Variants in CBX2 observed in about 807,000 individuals in gnomAD.
The protein encoded by CBX2 is chromobox protein homolog 2.
CBX2 carries 11 observed loss-of-function variants against 21.0 expected under a neutral mutation model. The ratio of observed to expected loss-of-function variants is 0.52; its 90% CI spans 0.33 to 0.87. CBX2 has a LOEUF of 0.87. Among genes scored for constraint, CBX2 ranks in the 40% least tolerant of loss-of-function variants. The pLI, the probability that CBX2 is intolerant of heterozygous loss-of-function variation, is 0.02. For synonymous variants in CBX2, 364 were observed against 304.6 expected (o/e 1.19, Z -2.03); for missense variants, 746 against 724.3 (o/e 1.03, Z -0.34).
Position 79,786,022 on chromosome 17 carries a change from A to C in CBX2, c.*980A>C, listed in dbSNP as rs1432762324. The C allele has an allele frequency of 2.6e-5, 4 of 152,418 alleles. No individual in the cohort carries two copies. The highest frequency in any genetic ancestry group is 4.4e-5 in the Non-Finnish European group (3 of 68,168). The allele number at this position is 152,418 out of a possible 1,614,324, so 9.4% of individuals were successfully genotyped here. Reference sequence around the variant, plus strand: ...AGGAAAACCCAAAGTGGAGGTGCTCAGGTCCAGGGGAGTCCAGTGGGCAGG... The same window carrying C: ...AGGAAAACCCAAAGTGGAGGTGCTCCGGTCCAGGGGAGTCCAGTGGGCAGG... On this transcript the variant is annotated 3_prime_UTR_variant, in exon 5 of 5. Transcript: ENST00000310942.
intron 3 of CBX2, 33 bp from the exon 4 acceptor site, chr17:79,781,663 C>T (rs375104924): frequency 1.9e-6 from 3 of 1,569,054 alleles, no homozygotes; most frequent in Non-Finnish European, 2.6e-6. Context: ...ACGCACAGGG[C>T]TTCTCCCCCA....
chr17:79,779,319 C>A, intron 2 of CBX2, 43 bp from the exon 3 acceptor site: 2 of 1,598,484 alleles, frequency 1.3e-6, no homozygotes, highest in Admixed American at 1.7e-5. Context: ...AAGCGGTGAT[C>A]ATCAGCCTGG....
At chr17:79,780,323 C>T (rs368763322) in intron 3 of CBX2, among the ~76,000 whole-genome samples, 3 of 152,166 alleles carry the variant, frequency 2.0e-5, no homozygotes, top group African/African-American at 7.2e-5. Context: ...TCCACTGTAG[C>T]GGGACATATT....
Position 79,783,640 on chromosome 17 carries a change from C to T in CBX2, c.289-92C>T, listed in dbSNP as rs1054074226. 4.2e-5 allele frequency: 46 copies of T among 1,107,264 alleles called. No homozygotes were observed. The East Asian group carries it at 1.2e-3, about 28-fold the overall frequency. 68.6% of individuals were successfully genotyped at this position (1,107,264 alleles called of 1,614,324 possible). The stretch of plus-strand genomic sequence containing the variant: ...GGCCAGGCTGGTCTTGAACTCCTGA[C>T]CTCAGGTGATCCACCCGCTTCGGCC... On this transcript the variant is annotated intron_variant, in intron 4 of 4. Transcript: ENST00000310942.
intron 3 of CBX2, 81 bp downstream of exon 3, chr17:79,779,508 C>A: frequency 7.6e-7 from 1 of 1,309,746 alleles, no homozygotes; most frequent in Non-Finnish European, 1.1e-6. Flanking sequence ...TGCTCGCCTG[C>A]CGGGAGGCTG....
Position 79,785,395 on chromosome 17 carries a change from C to T in CBX2, c.*353C>T, listed in dbSNP as rs1300125034. On this transcript the variant is annotated 3_prime_UTR_variant, in exon 5 of 5. Coordinates refer to ENST00000310942, the MANE Select transcript of CBX2 (RefSeq NM_005189.3). ...CGTTGTTGCTGAGTTTGAACTGCTC[C>T]TCCCTGGCCTGCGTGACTGAATCAC... is the stretch of plus-strand genomic sequence containing the variant. 18 of 355,052 alleles carry T rather than the reference C, an allele frequency of 5.1e-5. No individual in the cohort carries two copies. Among genetic ancestry groups the T allele is most frequent in the Middle Eastern group, 8.8e-4 (1 of 1,132 alleles). 22.0% of individuals were successfully genotyped at this position (355,052 alleles called of 1,614,324 possible). A position where few individuals can be genotyped will look rare whatever the true frequency, so the allele number is the denominator to read the frequency against.
At chr17:79,779,572 C>T in intron 3 of CBX2, 145 bp downstream of exon 3, 1 of 707,334 alleles carries the variant, frequency 1.4e-6, no homozygotes, top group African/African-American at 1.8e-5. Context: ...AGGGCCATCT[C>T]TGTGGCTGGC....
At chr17:79,777,458 A>G (rs1362422052), upstream of CBX2, among the ~76,000 whole-genome samples, 1 of 152,224 alleles carries the variant, frequency 6.6e-6, no homozygotes, top group Non-Finnish European at 1.5e-5. Context: ...CTGTTTAATA[A>G]GAACTCCGGG....
chr17:79,785,261 T>C lies in CBX2; in HGVS notation c.*219T>C. On this transcript the variant is annotated 3_prime_UTR_variant, in exon 5 of 5. Coordinates refer to ENST00000310942, the MANE Select transcript of CBX2 (RefSeq NM_005189.3). ...CTCACTGCCTTGTTGGTCTCCACCT[T>C]GTTCCTACCTCTGCAGGCCTCTTTG... 1.7e-6 allele frequency: 1 copy of C among 600,678 alleles called. No individual in the cohort carries two copies. The highest frequency in any genetic ancestry group is 2.0e-5 in the South Asian group (1 of 50,794). 37.2% of individuals were successfully genotyped at this position (600,678 alleles called of 1,614,324 possible).
rs1555831182 is a variant in CBX2, at chr17:79,784,352, T to A, written c.909T>A (p.Pro303=). The part of the protein sequence containing the change: ...RTQKGELGMS[P]PGSKIPKAPS... Reference sequence around the variant, plus strand: ...AGAAAGGGGAGCTGGGAATGAGCCCTCCAGGAAGCAAAATCCCGAAGGCCC... The same window carrying A: ...AGAAAGGGGAGCTGGGAATGAGCCCACCAGGAAGCAAAATCCCGAAGGCCC... The change falls in exon 5 of 5, where the codon CCT becomes CCA. Residue 303 remains proline, a synonymous_variant. Transcript: ENST00000310942. This position sits in a 1 kb window ranked among gnomAD's most constrained non-coding sequence, Gnocchi z 5.9. 1 of 1,613,020 alleles carries A rather than the reference T, an allele frequency of 6.2e-7. No homozygotes were observed. The highest frequency in any genetic ancestry group is 1.1e-5 in the South Asian group (1 of 91,060).
At chr17:79,782,757 G>A (rs1449188650) in intron 4 of CBX2, among the ~76,000 whole-genome samples, 3 of 152,186 alleles carry the variant, frequency 2.0e-5, no homozygotes, top group African/African-American at 7.2e-5. Flanking sequence ...TGTTTGAGGA[G>A]GTTTGAGGAG....
intron 4 of CBX2, chr17:79,782,654 C>G (rs183004361): frequency 3.5e-6 from 1 of 282,138 alleles, no homozygotes; most frequent in Admixed American, 5.7e-5. Context: ...ACTGGCCTTA[C>G]GTTATCTTGA....
intron 3 of CBX2, among the ~76,000 whole-genome samples, chr17:79,780,847 A>G (rs1555830013): frequency 6.6e-6 from 1 of 152,172 alleles, no homozygotes; most frequent in Non-Finnish European, 1.5e-5. Flanking sequence ...TTGTCCTTTT[A>G]GGAGATTTCA....
rs782730819 is a variant in CBX2 at position 79,783,838 on chromosome 17, G to C, written c.395G>C (p.Arg132Thr). 6.2e-7 allele frequency: 1 copy of C among 1,611,750 alleles called. No individual in the cohort carries two copies. Among genetic ancestry groups the C allele is most frequent in the Non-Finnish European group, 8.5e-7 (1 of 1,178,910 alleles). ...EEDDSDLDAK[R>T]GPRGRETHPV... ...GATGACAGTGACTTAGATGCTAAGA[G>C]GGGTCCCCGGGGCCGCGAGACCCAC... The change falls in exon 5 of 5, where the codon AGG becomes ACG. Residue 132 changes from arginine (R) to threonine (T), a missense_variant. Transcript: ENST00000310942.
Position 79,778,362 on chromosome 17 carries a change from G to C in CBX2, c.73-22G>C, listed in dbSNP as rs1555829430. ...GCCGCCCGCTGTCCGTCTGGCTCACGGCCCCTCTTCTCTCCCCGCAGGGCA... is the reference window on the plus strand; with the variant it reads ...GCCGCCCGCTGTCCGTCTGGCTCACCGCCCCTCTTCTCTCCCCGCAGGGCA... On this transcript the variant is annotated intron_variant, in intron 1 of 4. Transcript: ENST00000310942. The surrounding 1 kb of genome is among the most constrained non-coding windows in gnomAD (Gnocchi z 4.8). 2 of 1,582,524 alleles carry C rather than the reference G, an allele frequency of 1.3e-6. No individual in the cohort carries two copies. Among genetic ancestry groups the C allele is most frequent in the South Asian group, 2.3e-5 (2 of 88,422 alleles).
rs1555831364 is a variant in CBX2 at position 79,784,788 on chromosome 17, G to T, written c.1345G>T (p.Ala449Ser). ...GGAGAGCCGCACAGCCCCCGGAGAA[G>T]CCCGCAAGGCGGCCACACTGCCAGA... ...GQESRTAPGE[A>S]RKAATLPEMS... Residue 449 changes from alanine to serine, a missense_variant, in exon 5 of 5, where the codon GCC becomes TCC. Physicochemically the swap from Ala to Ser is moderately conservative, Grantham distance 99. Around this residue, in one of 2 missense-constraint regions of CBX2, gnomAD observed 701 missense variants for 650.7 expected, o/e 1.08. Coordinates refer to ENST00000310942, the MANE Select transcript of CBX2 (RefSeq NM_005189.3). The surrounding 1 kb of genome is among the most constrained non-coding windows in gnomAD (Gnocchi z 5.9). 5 of 1,610,462 alleles carry T rather than the reference G, an allele frequency of 3.1e-6. No individual in the cohort carries two copies. Among genetic ancestry groups the T allele is most frequent in the Non-Finnish European group, 3.4e-6 (4 of 1,178,722 alleles).
At chr17:79,779,840 G>C (rs150575158) in intron 3 of CBX2, 1 of 283,230 alleles carries the variant, frequency 3.5e-6, no homozygotes, top group Admixed American at 4.3e-5. Context: ...AGCCCTGCAC[G>C]CGTGTGCCAT....
upstream of CBX2, chr17:79,778,065 C>CGCGCGGGGGCGGGCGGCGGGCCGGG (rs1337518527): frequency 2.0e-5 from 3 of 150,048 alleles, no homozygotes; most frequent in Admixed American, 2.0e-4. This position sits in a 1 kb window ranked among gnomAD's most constrained non-coding sequence, Gnocchi z 4.8. Context: ...ATTTGGGCAG[C>CGCGCGGGGGCGGGCGGCGGGCCGGG]GCGCGGGGGC....
upstream of CBX2, chr17:79,778,005 GC>G (rs1906851160): frequency 6.9e-6 from 1 of 144,786 alleles, no homozygotes; most frequent in African/African-American, 2.5e-5. The surrounding 1 kb of genome is among the most constrained non-coding windows in gnomAD (Gnocchi z 4.8). Context: ...GACAATGCGC[GC>G]CCCGCCCCGC....
Sources: gnomAD v4.1 joint callset for allele counts (sites outside exome capture counted in the v4.1 genomes callset) on GRCh38, gnomAD v4.1.1 for gene constraint, gnomAD v4.1.1 regional missense constraint, Gnocchi (gnomAD v3.1) non-coding constraint, MANE v1.5 for transcripts, NCBI Gene and HGNC (gene_info 2026-07-23, HGNC 2026-07-21) for gene names.